SMARCA4: variants seen among roughly 807,000 people sequenced by gnomAD.
SMARCA4 encodes SWI/SNF-related matrix-associated actin-dependent regulator of chromatin subfamily A member 4.
SMARCA4 carries 31 observed loss-of-function variants against 193.9 expected under a neutral mutation model. The observed-to-expected ratio is 0.16, with a 90% CI of 0.12 to 0.22. SMARCA4 has a LOEUF of 0.22. Among genes scored for constraint, SMARCA4 ranks in the 10% least tolerant of loss-of-function variants. The pLI is 1.00. For synonymous variants in SMARCA4, 942 were observed against 933.1 expected (o/e 1.01, Z -0.17); for missense variants, 1,148 against 2,296.0 (o/e 0.50, Z 10.22).
intron 1 of SMARCA4, among the ~76,000 whole-genome samples, chr19:10,974,491 C>G (rs991953179): frequency 1.4e-5 from 2 of 140,818 alleles, no homozygotes; most frequent in African/African-American, 5.3e-5. Context: ...CTTTAAAAAT[C>G]TGAATATAAA....
chr19:11,059,696 G>C (rs993623111), intron 32 of SMARCA4, 57 bp from the exon 33 acceptor site: 1 of 1,540,000 alleles, frequency 6.5e-7, no homozygotes, highest in East Asian at 2.4e-5. Context: ...GGCCAGGGCC[G>C]GGCAGGCAGC....
intron 30 of SMARCA4, among the ~76,000 whole-genome samples, chr19:11,048,821 G>C (rs1402604134): frequency 6.6e-6 from 1 of 152,202 alleles, no homozygotes; most frequent in East Asian, 1.9e-4. Context: ...CGTGACCTCT[G>C]TGTTGACCTC....
At chr19:11,059,258 T>G in intron 32 of SMARCA4, 1 of 300,216 alleles carries the variant, frequency 3.3e-6, no homozygotes, top group Non-Finnish European at 6.4e-6. Flanking sequence ...TATTTTAAAT[T>G]CCCTGGGGCA....
rs762031132 is a variant in SMARCA4, at chr19:11,033,949, AGCGTGC to A, written c.3873+86_3873+91del. 44 of 749,296 alleles carry A rather than the reference AGCGTGC, an allele frequency of 5.9e-5. No homozygotes were observed. Among genetic ancestry groups the A allele is most frequent in the Non-Finnish European group, 1.0e-4 (42 of 408,484 alleles). The allele number at this position is 749,296 out of a possible 1,614,324, so 46.4% of individuals were successfully genotyped here. A position where few individuals can be genotyped will look rare whatever the true frequency, so the allele number is the denominator to read the frequency against. On this transcript the variant is annotated intron_variant, in intron 27 of 34. Coordinates refer to ENST00000344626, the MANE Select transcript of SMARCA4 (RefSeq NM_003072.5). The surrounding 1 kb of genome is among the most constrained non-coding windows in gnomAD (Gnocchi z 9.8). Reference sequence around the variant, plus strand: ...GCCAGCAAGGGCCCTGGTCCCACGGAGCGTGCGTGTGCGTGTGCGTGTGTGTGCCTT... The same window carrying A: ...GCCAGCAAGGGCCCTGGTCCCACGGAGTGTGCGTGTGCGTGTGTGTGCCTT...
chr19:10,981,083 G>C (rs1268982090), intron 1 of SMARCA4, among the ~76,000 whole-genome samples: 2 of 152,206 alleles, frequency 1.3e-5, no homozygotes, highest in African/African-American at 4.8e-5. Context: ...TTAGAATAAA[G>C]ACCTTCAAGT....
chr19:10,991,402 G>A (rs2145886725), intron 8 of SMARCA4, 79 bp downstream of exon 8: 6 of 1,544,542 alleles, frequency 3.9e-6, no homozygotes, highest in Non-Finnish European at 5.2e-6. Flanking sequence ...ACGGGGCTGT[G>A]TTTGCTTTGT....
Position 11,021,804 on chromosome 19 carries a change from C to CG in SMARCA4, c.2697dup (p.His900AlafsTer45). On this transcript the variant is annotated frameshift_variant, in exon 19 of 35. Coordinates refer to ENST00000344626, the MANE Select transcript of SMARCA4 (RefSeq NM_003072.5). LOFTEE classifies it high-confidence loss of function. ...TGCAAGCTGACGCAGGTGCTCAACACGCACTATGTGGCACCCCGCCGCCTG... is the reference window on the plus strand; with the variant it reads ...TGCAAGCTGACGCAGGTGCTCAACACGGCACTATGTGGCACCCCGCCGCCTG... 6.2e-7 allele frequency: 1 copy of CG among 1,613,774 alleles called. No individual in the cohort carries two copies. Among genetic ancestry groups the CG allele is most frequent in the Non-Finnish European group, 8.5e-7 (1 of 1,180,016 alleles).
At chr19:10,964,947 G>A (rs1419929207) in intron 1 of SMARCA4, among the ~76,000 whole-genome samples, 1 of 152,174 alleles carries the variant, frequency 6.6e-6, no homozygotes, top group Non-Finnish European at 1.5e-5. Flanking sequence ...CTATCAGTAA[G>A]GAAACTGAGG....
At chr19:10,978,780 A>AATATAT (rs113134927) in intron 1 of SMARCA4, among the ~76,000 whole-genome samples, 2 of 148,152 alleles carry the variant, frequency 1.3e-5, no homozygotes, top group African/African-American at 4.9e-5. Flanking sequence ...AAATACAAAA[A>AATATAT]ATATATATAT....
chr19:10,990,109 C>T (rs1432155535), intron 7 of SMARCA4, among the ~76,000 whole-genome samples: 2 of 152,178 alleles, frequency 1.3e-5, no homozygotes, highest in Non-Finnish European at 2.9e-5. Flanking sequence ...CCCGCTTCAG[C>T]CTCCTGAGTA....
At chr19:11,039,105 G>C (rs1170507654) in intron 29 of SMARCA4, among the ~76,000 whole-genome samples, 1 of 152,030 alleles carries the variant, frequency 6.6e-6, no homozygotes, top group East Asian at 1.9e-4. Flanking sequence ...GTAATCCCAA[G>C]CACTTTGGGA....
At chr19:10,969,373 A>C (rs2084495982) in intron 1 of SMARCA4, among the ~76,000 whole-genome samples, 1 of 152,078 alleles carries the variant, frequency 6.6e-6, no homozygotes, top group Admixed American at 6.6e-5. Flanking sequence ...CAGCCTCCCA[A>C]AGTGCTGGGA....
chr19:11,021,611 C>T (rs1318935302), intron 18 of SMARCA4, 114 bp from the exon 19 acceptor site: 3 of 1,332,598 alleles, frequency 2.3e-6, no homozygotes, highest in East Asian at 5.0e-5. Context: ...CTCCACCCAG[C>T]TGCGCTCTTC....
At chr19:11,060,559 G>A in intron 34 of SMARCA4, 2 of 388,252 alleles carry the variant, frequency 5.2e-6, no homozygotes, top group South Asian at 5.2e-5. Context: ...CCACCAGACA[G>A]TGCCCCGTCT....
chr19:10,968,824 T>A (rs2084445713), intron 1 of SMARCA4, among the ~76,000 whole-genome samples: 1 of 152,198 alleles, frequency 6.6e-6, no homozygotes, highest in South Asian at 2.1e-4. Flanking sequence ...GCATAGTGGA[T>A]GTCTCATTGT....
In SMARCA4 at chr19:10,984,038, G is replaced by A; in HGVS notation, c.-31-83G>A. 9.8e-7 allele frequency: 1 copy of A among 1,020,986 alleles called. No individual in the cohort carries two copies. The highest frequency in any genetic ancestry group is 1.5e-6 in the Non-Finnish European group (1 of 659,676). The allele number at this position is 1,020,986 out of a possible 1,614,324, so 63.2% of individuals were successfully genotyped here. On this transcript the variant is annotated intron_variant, in intron 1 of 34. Transcript: ENST00000344626. The surrounding 1 kb of genome is among the most constrained non-coding windows in gnomAD (Gnocchi z 4.3). Reference sequence around the variant, plus strand: ...CTTCCTGTGGGATGTAGATTCTGATGTGACCGTATGATTGTCCCTTGCTAT... The same window carrying A: ...CTTCCTGTGGGATGTAGATTCTGATATGACCGTATGATTGTCCCTTGCTAT...
At chr19:11,060,272 G>T (rs1202197029) in intron 34 of SMARCA4, 85 bp downstream of exon 34, 1 of 1,480,008 alleles carries the variant, frequency 6.8e-7, no homozygotes, top group East Asian at 2.5e-5. Flanking sequence ...GTGGGGCGGT[G>T]CTCCCACGCC....
At chr19:11,027,478 A>T (rs2090345932) in intron 23 of SMARCA4, among the ~76,000 whole-genome samples, 1 of 152,186 alleles carries the variant, frequency 6.6e-6, no homozygotes, top group Non-Finnish European at 1.5e-5. Context: ...TCCCTGTTCC[A>T]GCCCCGTGTT....
At chr19:11,032,171 G>A (rs946763132) in intron 25 of SMARCA4, 2 of 152,334 alleles carry the variant, frequency 1.3e-5, no homozygotes, top group Non-Finnish European at 2.9e-5. Context: ...GGCCCTGCCA[G>A]GAAGTGTGCT....
Sources: gnomAD v4.1 joint callset for allele counts (sites outside exome capture counted in the v4.1 genomes callset) on GRCh38, gnomAD v4.1.1 for gene constraint, Gnocchi (gnomAD v3.1) non-coding constraint, MANE v1.5 for transcripts, NCBI Gene and HGNC (gene_info 2026-07-23, HGNC 2026-07-21) for gene names.